Variants in NCOA7 observed in about 807,000 individuals in gnomAD.
NCOA7 encodes nuclear receptor coactivator 7, also known as 140 kDa estrogen receptor-associated protein.
A neutral mutation model predicts 104.3 loss-of-function variants in NCOA7; 45 were observed. The observed-to-expected ratio is 0.43, with a 90% confidence interval of 0.34 to 0.55. NCOA7 has a LOEUF of 0.55. NCOA7 is among the 20% of genes least tolerant of loss of function. NCOA7 has a pLI of 0.02. For synonymous variants in NCOA7, 398 were observed against 402.3 expected (o/e 0.99, Z 0.13); for missense variants, 1,041 against 1,119.7 (o/e 0.93, Z 1.00).
intron 1 of NCOA7, among the ~76,000 whole-genome samples, chr6:125,813,408 A>T (rs902496306): frequency 2.0e-5 from 3 of 151,786 alleles, no homozygotes. Context: ...CTTTTGTTCA[A>T]TTGAAACCTG....
intron 3 of NCOA7, among the ~76,000 whole-genome samples, chr6:125,872,396 G>A (rs1684773730): frequency 6.6e-6 from 1 of 152,224 alleles, no homozygotes. Flanking sequence ...TGGGAAGAAG[G>A]AAGCATATTG....
chr6:125,791,222 C>T (rs1015738114), intron 1 of NCOA7, among the ~76,000 whole-genome samples, 155 bp downstream of exon 1: 3 of 152,168 alleles, frequency 2.0e-5, no homozygotes, highest in African/African-American at 7.2e-5. Flanking sequence ...GGCGTAGCCC[C>T]CTGTGAACCT....
chr6:125,854,529 A>G (rs926255687), intron 2 of NCOA7, among the ~76,000 whole-genome samples: 3 of 152,210 alleles, frequency 2.0e-5, no homozygotes, highest in African/African-American at 7.2e-5. Context: ...AATTACTCCT[A>G]TGTGACCCAG....
intron 3 of NCOA7, among the ~76,000 whole-genome samples, chr6:125,855,782 C>T (rs547403242): frequency 2.0e-5 from 3 of 152,158 alleles, no homozygotes; most frequent in South Asian, 4.2e-4. Flanking sequence ...CTCCCAGGTT[C>T]AAGCAATTCT....
At chr6:125,794,822 G>A (rs1775152202) in intron 1 of NCOA7, among the ~76,000 whole-genome samples, 1 of 152,136 alleles carries the variant, frequency 6.6e-6, no homozygotes, top group African/African-American at 2.4e-5. Flanking sequence ...TATATTTGGA[G>A]TACCTGCCTT....
At chr6:125,905,053 G>A (rs911804030) in intron 10 of NCOA7, among the ~76,000 whole-genome samples, 3 of 152,166 alleles carry the variant, frequency 2.0e-5, no homozygotes, top group African/African-American at 4.8e-5. Flanking sequence ...CATCAGCCCT[G>A]CTTAGTGTCC....
intron 2 of NCOA7, among the ~76,000 whole-genome samples, chr6:125,820,461 A>G (rs1189390422): frequency 2.6e-5 from 4 of 152,236 alleles, no homozygotes; most frequent in Non-Finnish European, 4.4e-5. Context: ...GGACCCAGCA[A>G]GGAGGGCCAG....
chr6:125,904,917 A>G (rs1319667298), intron 10 of NCOA7, among the ~76,000 whole-genome samples: 2 of 152,170 alleles, frequency 1.3e-5, no homozygotes, highest in African/African-American at 4.8e-5. Flanking sequence ...CTCCTTAAAT[A>G]TTAGTGGTTT....
chr6:125,928,293 T>A (rs376254638), intron 15 of NCOA7, 46 bp downstream of exon 15: 7 of 1,528,340 alleles, frequency 4.6e-6, no homozygotes, highest in Non-Finnish European at 5.4e-6. Context: ...TTTTACCACC[T>A]GACCTGAGTG....
intron 2 of NCOA7, among the ~76,000 whole-genome samples, chr6:125,836,190 CAG>C (rs1424599844): frequency 2.6e-5 from 4 of 152,128 alleles, no homozygotes; most frequent in African/African-American, 9.7e-5. Context: ...TCCACTAAAA[CAG>C]TATCTGAATA....
At chr6:125,920,008 T>TCTTC (rs1787431175) in intron 11 of NCOA7, among the ~76,000 whole-genome samples, 1 of 152,244 alleles carries the variant, frequency 6.6e-6, no homozygotes, top group Non-Finnish European at 1.5e-5. Flanking sequence ...CCAAGAAGCC[T>TCTTC]AATATACACT....
upstream of NCOA7, among the ~76,000 whole-genome samples, chr6:125,788,565 T>G (rs562931856): frequency 1.6e-3 from 234 of 150,780 alleles, no homozygotes; most frequent in African/African-American, 5.4e-3. Context: ...GAGATGGAGT[T>G]TCGCTCTGTC....
At chr6:125,879,792 T>A (rs1425949845) in intron 5 of NCOA7, among the ~76,000 whole-genome samples, 2 of 152,160 alleles carry the variant, frequency 1.3e-5, no homozygotes, top group Non-Finnish European at 2.9e-5. Context: ...AGGTCAGGAC[T>A]TCAAGGACAG....
intron 3 of NCOA7, among the ~76,000 whole-genome samples, chr6:125,858,587 C>G (rs1342429840): frequency 2.0e-5 from 3 of 151,340 alleles, no homozygotes; most frequent in African/African-American, 7.3e-5. Flanking sequence ...CACAAATCTA[C>G]TGCACTCCAG....
At chr6:125,852,415 C>T (rs550357629) in intron 2 of NCOA7, among the ~76,000 whole-genome samples, 45 of 152,168 alleles carry the variant, frequency 3.0e-4, no homozygotes, top group Middle Eastern at 3.4e-3. Flanking sequence ...AGGCTGGTCT[C>T]GAACTCTAGA....
At chr6:125,812,594 A>C (rs1777130774) in intron 1 of NCOA7, among the ~76,000 whole-genome samples, 2 of 152,082 alleles carry the variant, frequency 1.3e-5, no homozygotes, top group African/African-American at 4.8e-5. Context: ...TCCTAACCAC[A>C]AGCATATGCT....
Position 125,782,201 on chromosome 6 carries a change from G to A in NCOA7, c.-142+830G>A, listed in dbSNP as rs370709995. 2.6e-5 allele frequency among the ~76,000 whole-genome samples: 4 copies of A among 151,948 alleles called. No individual in the cohort carries two copies. The South Asian group carries it at 6.2e-4, about 24-fold the overall frequency. ...GCTTTCTTTTTACTTTTTTAATGTA[G>A]CTACTAGGATATTTAAAATTATACA... On this transcript the variant is annotated intron_variant, in intron 1 of 16. Coordinates refer to the NCOA7 transcript ENST00000368357.
intron 14 of NCOA7, 87 bp downstream of exon 14, chr6:125,927,845 C>A: frequency 9.1e-7 from 1 of 1,095,488 alleles, no homozygotes; most frequent in Non-Finnish European, 1.4e-6. Flanking sequence ...AGCTAGCTGT[C>A]CTGTAACTTC....
chr6:125,824,835 T>C (rs1275680165), intron 2 of NCOA7, among the ~76,000 whole-genome samples: 3 of 152,116 alleles, frequency 2.0e-5, no homozygotes, highest in African/African-American at 7.2e-5. Flanking sequence ...CTCGGCTCAC[T>C]GCAAGCTCCG....
Sources: gnomAD v4.1 joint callset for allele counts (sites outside exome capture counted in the v4.1 genomes callset) on GRCh38, gnomAD v4.1.1 for gene constraint, MANE v1.5 for transcripts, NCBI Gene and HGNC (gene_info 2026-07-23, HGNC 2026-07-21) for gene names.